Variants in SLC2A13 observed in about 807,000 individuals in gnomAD.
SLC2A13 encodes solute carrier family 2 member 13.
A neutral mutation model predicts 64.4 loss-of-function variants in SLC2A13; 32 were observed. The observed-to-expected ratio is 0.50, with a 90% CI of 0.37 to 0.67. SLC2A13 has a LOEUF of 0.67. SLC2A13 is among the 30% of genes least tolerant of loss of function. The pLI is 0.00. For synonymous variants in SLC2A13, 338 were observed against 327.1 expected (o/e 1.03, Z -0.36); for missense variants, 743 against 829.2 (o/e 0.90, Z 1.28).
In SLC2A13 at chr12:39,928,550, T is replaced by A. The variant is rs527962134; in HGVS notation, c.1034+22707A>T. Among the ~76,000 whole-genome samples, 6 of 152,300 alleles carry A rather than the reference T, an allele frequency of 3.9e-5. No individual in the cohort carries two copies. The South Asian group carries it at 1.2e-3, about 32-fold the overall frequency. On this transcript the variant is annotated intron_variant, in intron 4 of 9. Transcript: ENST00000280871. The stretch of plus-strand genomic sequence containing the variant: ...ATTAAATGCGTAACTGGTTAAAAAA[T>A]AAGCAACATTTTTATTTCAGAAAAG...
At chr12:39,936,413 A>T (rs1490135814) in intron 4 of SLC2A13, among the ~76,000 whole-genome samples, 2 of 152,204 alleles carry the variant, frequency 1.3e-5, no homozygotes, top group Non-Finnish European at 2.9e-5. Flanking sequence ...CATATACCCT[A>T]CAGAAATAAC....
intron 4 of SLC2A13, among the ~76,000 whole-genome samples, chr12:39,879,868 T>C (rs1020343772): frequency 6.6e-6 from 1 of 152,140 alleles, no homozygotes; most frequent in African/African-American, 2.4e-5. Flanking sequence ...AATGATGTAG[T>C]TTGGATATTT....
At chr12:40,033,945 TG>T (rs1448954436) in intron 2 of SLC2A13, among the ~76,000 whole-genome samples, 1 of 152,124 alleles carries the variant, frequency 6.6e-6, no homozygotes, top group Non-Finnish European at 1.5e-5. Flanking sequence ...TGTACAGGAG[TG>T]AACAACTGCA....
chr12:40,076,988 A>G (rs1381643892), intron 1 of SLC2A13, among the ~76,000 whole-genome samples: 1 of 151,784 alleles, frequency 6.6e-6, no homozygotes, highest in African/African-American at 2.4e-5. Context: ...TCCTTTGCCC[A>G]TTTTTTACTG....
intron 3 of SLC2A13, among the ~76,000 whole-genome samples, chr12:40,000,781 C>T (rs1189156510): frequency 6.6e-6 from 1 of 152,268 alleles, no homozygotes; most frequent in East Asian, 1.9e-4. Flanking sequence ...TAACCTTAAT[C>T]ATCTCTAAAG....
intron 4 of SLC2A13, chr12:39,949,980 TA>T (rs1248617248): frequency 6.6e-6 from 1 of 151,982 alleles, no homozygotes. Flanking sequence ...ATAGAGCTGG[TA>T]AAGGTGAGAA....
rs774141631 is a variant in SLC2A13 at position 39,876,755 on chromosome 12, G to A, written c.1035-4794C>T. On this transcript the variant is annotated intron_variant, in intron 4 of 9. Transcript: ENST00000280871. ...TCATAATACAGACAATTTTTTTCTG[G>A]CATGGGACTATAAAGACGTTAATTT... Among the ~76,000 whole-genome samples, 126 of 151,916 alleles carry A rather than the reference G, an allele frequency of 8.3e-4. 3 individuals carry two copies. Among genetic ancestry groups the A allele is most frequent in the Non-Finnish European group, 2.1e-4 (14 of 67,980 alleles).
At chr12:40,065,421 G>GAA (rs67773532) in intron 1 of SLC2A13, among the ~76,000 whole-genome samples, 5 of 134,610 alleles carry the variant, frequency 3.7e-5, no homozygotes, top group Non-Finnish European at 3.3e-5. Context: ...ATCTTTACAA[G>GAA]AAAAAAAAAA....
chr12:40,074,545 C>T lies in SLC2A13; in HGVS notation c.557-26335G>A, dbSNP rs578000581. Among the ~76,000 whole-genome samples the T allele has an allele frequency of 2.0e-5, 3 of 152,234 alleles. No individual in the cohort carries two copies. In the South Asian group the frequency reaches 6.2e-4, roughly 32 times the overall value. ...GATTCTTAGAATTATCATCTCTCTG[C>T]TTACATTACCCATCTGTCCTTGCAA... is the stretch of plus-strand genomic sequence containing the variant. On this transcript the variant is annotated intron_variant, in intron 1 of 9. Coordinates refer to ENST00000280871, the MANE Select transcript of SLC2A13 (RefSeq NM_052885.4).
chr12:39,923,587 T>G (rs1387057523), intron 4 of SLC2A13, among the ~76,000 whole-genome samples: 2 of 151,800 alleles, frequency 1.3e-5, no homozygotes, highest in Non-Finnish European at 2.9e-5. Flanking sequence ...TGGTGATGAT[T>G]GCACAACATT....
intron 7 of SLC2A13, among the ~76,000 whole-genome samples, chr12:39,812,488 T>C (rs1490505906): frequency 6.6e-6 from 1 of 151,812 alleles, no homozygotes; most frequent in Non-Finnish European, 1.5e-5. Flanking sequence ...TCTCTCTTTT[T>C]GTGAGATAGA....
At chr12:39,780,204 TAA>T (rs75834170) in intron 7 of SLC2A13, among the ~76,000 whole-genome samples, 21,347 of 152,198 alleles carry the variant, frequency 0.14, 1,730 homozygotes, top group East Asian at 0.39. Context: ...ATTTTGCATA[TAA>T]GTCTTTTTTA....
rs28740221 is a variant in SLC2A13 at position 39,999,536 on chromosome 12, T to A, written c.925+28765A>T. 1.0e-2 allele frequency among the ~76,000 whole-genome samples: 1,522 copies of A among 152,214 alleles called. 20 individuals are homozygous for A. The highest frequency in any genetic ancestry group is 0.035 in the African/African-American group (1,451 of 41,512). On this transcript the variant is annotated intron_variant, in intron 3 of 9. Coordinates refer to ENST00000280871, the MANE Select transcript of SLC2A13 (RefSeq NM_052885.4). Reference sequence around the variant, plus strand: ...GTCTCCTGCAATACCCTCAGGCTAATTAGGGTGGGAAAAAAACCTGCCCTG... The same window carrying A: ...GTCTCCTGCAATACCCTCAGGCTAAATAGGGTGGGAAAAAAACCTGCCCTG...
intron 7 of SLC2A13, among the ~76,000 whole-genome samples, chr12:39,778,685 G>A (rs907283782): frequency 9.9e-5 from 15 of 152,006 alleles, no homozygotes; most frequent in Non-Finnish European, 5.9e-5. Context: ...TTGTCTTTTC[G>A]TCATTCATTT....
intron 7 of SLC2A13, among the ~76,000 whole-genome samples, chr12:39,806,439 A>G (rs1181188542): frequency 1.3e-5 from 2 of 152,148 alleles, no homozygotes; most frequent in Non-Finnish European, 2.9e-5. Flanking sequence ...TTTCTCCTAA[A>G]TGCTACAGGA....
chr12:39,978,659 C>T (rs1946816401), intron 3 of SLC2A13, among the ~76,000 whole-genome samples: 1 of 152,144 alleles, frequency 6.6e-6, no homozygotes, highest in Non-Finnish European at 1.5e-5. Context: ...CCACACCTGG[C>T]TCGGAGGGTC....
At chr12:40,046,361 T>C (rs1948171114) in intron 2 of SLC2A13, among the ~76,000 whole-genome samples, 1 of 152,222 alleles carries the variant, frequency 6.6e-6, no homozygotes, top group Non-Finnish European at 1.5e-5. Flanking sequence ...GTGAGATCTT[T>C]CTCTTTCCTA....
At chr12:39,821,751 C>T (rs1566829594) in intron 7 of SLC2A13, among the ~76,000 whole-genome samples, 1 of 152,154 alleles carries the variant, frequency 6.6e-6, no homozygotes, top group South Asian at 2.1e-4. Context: ...ATTGGTTCCA[C>T]TCTAATTTCC....
At chr12:39,846,818 C>A (rs1384433880) in intron 6 of SLC2A13, among the ~76,000 whole-genome samples, 2 of 152,086 alleles carry the variant, frequency 1.3e-5, no homozygotes, top group East Asian at 3.9e-4. Flanking sequence ...CTATCTCAGT[C>A]TTTCTGAAGG....
Sources: allele counts gnomAD v4.1 joint callset (sites outside exome capture counted in the v4.1 genomes callset), GRCh38; gene constraint gnomAD v4.1.1; transcripts MANE v1.5; gene names NCBI Gene and HGNC (gene_info 2026-07-23, HGNC 2026-07-21).